Variants in STX3 observed in about 807,000 individuals in gnomAD.
STX3 encodes the protein syntaxin 3, also known as syntaxin-3.
STX3 carries 19 observed loss-of-function variants against 40.2 expected under a neutral mutation model. The ratio of observed to expected loss-of-function variants is 0.47; its 90% CI spans 0.33 to 0.69. The LOEUF (loss-of-function observed/expected upper bound fraction) is 0.69, where lower values mean the gene tolerates loss of function less well. Ranked by LOEUF, STX3 falls within the 30% of genes least tolerant of loss-of-function variation. The pLI, the probability that STX3 is intolerant of heterozygous loss-of-function variation, is 0.02. For synonymous variants in STX3, 122 were observed against 132.2 expected, an observed-to-expected ratio of 0.92 and a Z score of 0.53; for missense variants, 364 against 366.7, an observed-to-expected ratio of 0.99 and a Z score of 0.06.
chr11:59,774,648 C>T (rs1455471047), intron 2 of STX3, among the ~76,000 whole-genome samples: 3 of 152,036 alleles, frequency 2.0e-5, no homozygotes, highest in African/African-American at 7.3e-5. Flanking sequence ...CTGGCCAACA[C>T]AGTGAAACCC....
chr11:59,786,243 C>CTTTTTT (rs1333761860), intron 2 of STX3, among the ~76,000 whole-genome samples: 1 of 135,532 alleles, frequency 7.4e-6, no homozygotes. Flanking sequence ...TTCTTTCTTT[C>CTTTTTT]TTTTTTTTTT....
Position 59,804,078 on chromosome 11 carries a change from G to C in STX3, c.*3254G>C, listed in dbSNP as rs1865994905. ...CTGATTAGGCAGATGGTTTAAAGGA[G>C]GACTGCAGGGTAGAGAAGCAAGCAG... On this transcript the variant is annotated 3_prime_UTR_variant, in exon 11 of 11. Transcript: ENST00000337979. 1 of 152,314 alleles carries C rather than the reference G, an allele frequency of 6.6e-6. No individual in the cohort carries two copies. The allele number at this position is 152,314 out of a possible 1,614,324, so 9.4% of individuals were successfully genotyped here. A position where few individuals can be genotyped will look rare whatever the true frequency, so the allele number is the denominator to read the frequency against.
In STX3 at chr11:59,800,862, T is replaced by C; in HGVS notation, c.*38T>C. 1 of 1,536,350 alleles carries C rather than the reference T, an allele frequency of 6.5e-7. No homozygotes were observed. The highest frequency in any genetic ancestry group is 8.7e-7 in the Non-Finnish European group (1 of 1,146,906). ...CCTTTCCCTGCCTCCTAGAAACTGA[T>C]TTCACTCCAGACTGGTGTGGCCACC... On this transcript the variant is annotated 3_prime_UTR_variant, in exon 11 of 11. Coordinates refer to ENST00000337979, the MANE Select transcript of STX3 (RefSeq NM_004177.5).
In STX3 at chr11:59,784,937, C is replaced by G. The variant is rs534229265; in HGVS notation, c.115-2100C>G. On this transcript the variant is annotated intron_variant, in intron 2 of 10. Coordinates refer to ENST00000337979, the MANE Select transcript of STX3 (RefSeq NM_004177.5). The stretch of plus-strand genomic sequence containing the variant: ...CAGTACAGATAATTAAAAAAATTAA[C>G]TCTTCAATCTAATGGAAAAAAGCTT... Among the ~76,000 whole-genome samples, 4 of 152,288 alleles carry G rather than the reference C, an allele frequency of 2.6e-5. 1 individual carries two copies. In the South Asian group the frequency reaches 6.2e-4, roughly 24 times the overall value.
chr11:59,766,829 C>T (rs1033149917), intron 1 of STX3, among the ~76,000 whole-genome samples: 1 of 152,212 alleles, frequency 6.6e-6, no homozygotes, highest in Non-Finnish European at 1.5e-5. Context: ...GCTGGGAGAC[C>T]TTGAATAACT....
rs907189301 is a variant in STX3, at chr11:59,797,202, CAG to C, written c.787-80_787-79del. ...TAAGATATTTTCTATGTAGAGGTGA[CAG>C]GGGTTAGGTTTTGGATGAGTTGTTA... On this transcript the variant is annotated intron_variant, in intron 9 of 10. Coordinates refer to ENST00000337979, the MANE Select transcript of STX3 (RefSeq NM_004177.5). The C allele has an allele frequency of 1.4e-4, 145 of 1,018,328 alleles. 1 individual carries two copies. The highest frequency in any genetic ancestry group is 1.0e-3 in the East Asian group (43 of 42,064). 63.1% of individuals were successfully genotyped at this position (1,018,328 alleles called of 1,614,324 possible). A position where few individuals can be genotyped will look rare whatever the true frequency, so the allele number is the denominator to read the frequency against.
upstream of STX3, chr11:59,755,101 C>T (rs952403981): frequency 2.6e-5 from 4 of 153,058 alleles, no homozygotes; most frequent in African/African-American, 9.6e-5. Context: ...GAACTGGATC[C>T]TAGCGAGGAG....
chr11:59,802,893 G>C lies in STX3; in HGVS notation c.*2069G>C. ...GCAGTGTAACTATGTTTGTGTTTCA[G>C]ATTTGAGGTGTTCCCCCCAAAAGAA... On this transcript the variant is annotated 3_prime_UTR_variant, in exon 11 of 11. Transcript: ENST00000337979. The C allele has an allele frequency of 1.0e-6, 1 of 985,422 alleles. No homozygotes were observed. The highest frequency in any genetic ancestry group is 1.2e-6 in the Non-Finnish European group (1 of 829,920). The allele number at this position is 985,422 out of a possible 1,614,324, so 61.0% of individuals were successfully genotyped here. A position where few individuals can be genotyped will look rare whatever the true frequency, so the allele number is the denominator to read the frequency against.
rs111367314 is a variant in STX3 at position 59,794,144 on chromosome 11, G to A, written c.675+630G>A. ...GCACCTTTTGCTAAGGCACAGAGCA[G>A]ACAACAACATGAATGAAGGAGTAGC... is the stretch of plus-strand genomic sequence containing the variant. On this transcript the variant is annotated intron_variant, in intron 8 of 10. Transcript: ENST00000337979. Among the ~76,000 whole-genome samples, 782 of 152,106 alleles carry A rather than the reference G, an allele frequency of 5.1e-3. 2 individuals carry two copies. Among genetic ancestry groups the A allele is most frequent in the Non-Finnish European group, 7.8e-3 (532 of 67,986 alleles).
At chr11:59,773,181 C>A (rs767389830) in intron 1 of STX3, 30 bp from the exon 2 acceptor site, 90 of 1,608,440 alleles carry the variant, frequency 5.6e-5, no homozygotes, top group Non-Finnish European at 7.3e-5. Context: ...GTGTTTTTAG[C>A]CTCACTCTGC....
chr11:59,758,100 C>G (rs958639469), intron 1 of STX3, among the ~76,000 whole-genome samples: 1 of 151,990 alleles, frequency 6.6e-6, no homozygotes, highest in Admixed American at 6.6e-5. Flanking sequence ...GAGGGCTTTC[C>G]GTGCCTGTGA....
chr11:59,797,212 G>A lies in STX3; in HGVS notation c.787-71G>A. 4 of 1,239,286 alleles carry A rather than the reference G, an allele frequency of 3.2e-6. No homozygotes were observed. In the Admixed American group the frequency reaches 5.1e-5, roughly 16 times the overall value. 76.8% of individuals were successfully genotyped at this position (1,239,286 alleles called of 1,614,324 possible). ...TCTATGTAGAGGTGACAGGGGTTAG[G>A]TTTTGGATGAGTTGTTATTTTTTTG... On this transcript the variant is annotated intron_variant, in intron 9 of 10. Transcript: ENST00000337979.
intron 8 of STX3, among the ~76,000 whole-genome samples, chr11:59,794,268 C>T (rs1865388549): frequency 1.3e-5 from 2 of 152,178 alleles, no homozygotes; most frequent in Non-Finnish European, 2.9e-5. Context: ...TCTGGATTGC[C>T]TGCATAGGGC....
intron 8 of STX3, among the ~76,000 whole-genome samples, chr11:59,794,972 A>G (rs1329234898): frequency 5.9e-5 from 9 of 152,254 alleles, no homozygotes; most frequent in Non-Finnish European, 8.8e-5. Flanking sequence ...CTGAATGACC[A>G]GGAAGAGGCC....
At chr11:59,792,043 G>T in intron 5 of STX3, 64 bp from the exon 6 acceptor site, 1 of 1,284,494 alleles carries the variant, frequency 7.8e-7, no homozygotes, top group East Asian at 2.4e-5. Flanking sequence ...TGTGGGGGTG[G>T]GGAGGGGTTC....
chr11:59,805,209 T>C lies in STX3; in HGVS notation c.*4385T>C, dbSNP rs1866043616. On this transcript the variant is annotated 3_prime_UTR_variant, in exon 11 of 11. Transcript: ENST00000337979. ...AAAAAAAAACAAAAAAAAAAAACTG[T>C]TCTTAATACTTAATACTGTCCCCAA... is the stretch of plus-strand genomic sequence containing the variant. 1 of 143,742 alleles carries C rather than the reference T, an allele frequency of 7.0e-6. No individual in the cohort carries two copies. The allele number at this position is 143,742 out of a possible 1,614,324, so 8.9% of individuals were successfully genotyped here. A position where few individuals can be genotyped will look rare whatever the true frequency, so the allele number is the denominator to read the frequency against.
intron 1 of STX3, among the ~76,000 whole-genome samples, chr11:59,763,201 A>G (rs1863125457): frequency 6.6e-6 from 1 of 152,182 alleles, no homozygotes; most frequent in African/African-American, 2.4e-5. Context: ...AGACCTTGAG[A>G]TGCCTCTCTG....
In STX3 at chr11:59,800,977, T is replaced by G; in HGVS notation, c.*153T>G. On this transcript the variant is annotated 3_prime_UTR_variant, in exon 11 of 11. Coordinates refer to ENST00000337979, the MANE Select transcript of STX3 (RefSeq NM_004177.5). ...GTTTCCTTGCAACCACCCTTGGACC[T>G]GACTCAGCTAACAATCTAGCCCTGG... 6.5e-7 allele frequency: 1 copy of G among 1,533,464 alleles called. No homozygotes were observed. The highest frequency in any genetic ancestry group is 8.7e-7 in the Non-Finnish European group (1 of 1,145,120). 95.0% of individuals were successfully genotyped at this position (1,533,464 alleles called of 1,614,324 possible). A position where few individuals can be genotyped will look rare whatever the true frequency, so the allele number is the denominator to read the frequency against.
chr11:59,767,361 A>G (rs529897460), intron 1 of STX3, among the ~76,000 whole-genome samples: 2 of 152,200 alleles, frequency 1.3e-5, no homozygotes, highest in Non-Finnish European at 2.9e-5. Context: ...TATTGCAGCT[A>G]CTGTAATGTT....
Sources: allele counts gnomAD v4.1 joint callset (sites outside exome capture counted in the v4.1 genomes callset), GRCh38; gene constraint gnomAD v4.1.1; transcripts MANE v1.5; gene names NCBI Gene and HGNC (gene_info 2026-07-23, HGNC 2026-07-21).